The following RASGRF1 variants were observed in gnomAD, a reference collection of about 807,000 sequenced individuals.
The protein encoded by RASGRF1 is ras-specific guanine nucleotide-releasing factor 1.
RASGRF1 carries 40 observed loss-of-function variants against 138.7 expected under a neutral mutation model. The observed-to-expected ratio is 0.29, with a 90% CI of 0.22 to 0.38. The LOEUF (loss-of-function observed/expected upper bound fraction) is 0.38, where lower values mean the gene tolerates loss of function less well. Ranked by LOEUF, RASGRF1 falls within the 10% of genes least tolerant of loss-of-function variation. The pLI is 1.00. For synonymous variants in RASGRF1, 614 were observed against 663.2 expected, an observed-to-expected ratio of 0.93 and a Z score of 1.14; for missense variants, 1,108 against 1,650.4, an observed-to-expected ratio of 0.67 and a Z score of 5.69.
chr15:78,968,399 G>C (rs143141218), intron 26 of RASGRF1, among the ~76,000 whole-genome samples: 2,546 of 152,060 alleles, frequency 0.017, 25 homozygotes, highest in South Asian at 0.042. Flanking sequence ...AGACTCCTGA[G>C]TAGATGTGAC....
rs769459245 is a variant in RASGRF1, at chr15:79,031,408, C to A, written c.1254G>T (p.Glu418Asp). The A allele has an allele frequency of 1.2e-6, 2 of 1,607,240 alleles. No homozygotes were observed. Among genetic ancestry groups the A allele is most frequent in the East Asian group, 2.2e-5 (1 of 44,674 alleles). The change falls in exon 8 of 27, where the codon GAG (glutamate) becomes GAT (aspartate). Residue 418 changes from glutamate to aspartate, a missense_variant. Around this residue, in one of 3 missense-constraint regions of RASGRF1, gnomAD observed 169 missense variants for 344.2 expected, o/e 0.49. Coordinates refer to ENST00000558480, the MANE Select transcript of RASGRF1 (RefSeq NM_001145648.3). ...GAAGAGCCAGGCCTCACCTGGACAG[C>A]TCCTCCAGTTTGGACTTGGCGTAGT... ...SLDYAKSKLE[E>D]LSRIMHDEVS... is the part of the protein sequence containing the mutation.
At chr15:78,979,051 G>T in intron 24 of RASGRF1, 1 of 1,291,852 alleles carries the variant, frequency 7.7e-7, no homozygotes, top group South Asian at 1.2e-5. Context: ...CCAGCCATGT[G>T]AGGAGGTGGA....
At chr15:79,010,033 T>C (rs1273558551) in intron 13 of RASGRF1, among the ~76,000 whole-genome samples, 1 of 130,262 alleles carries the variant, frequency 7.7e-6, no homozygotes, top group Non-Finnish European at 1.7e-5. Context: ...TCTTTGTTTG[T>C]TTTTTTTTTT....
chr15:79,005,000 AG>A, intron 14 of RASGRF1: 1 of 985,566 alleles, frequency 1.0e-6, no homozygotes, highest in Non-Finnish European at 1.2e-6. Flanking sequence ...TTTGTTCTGC[AG>A]GGCACTGCTG....
At chr15:78,996,738 G>C (rs995615183) in intron 19 of RASGRF1, among the ~76,000 whole-genome samples, 1 of 116,482 alleles carries the variant, frequency 8.6e-6, no homozygotes, top group Non-Finnish European at 2.1e-5. Flanking sequence ...GTGTGTGTGC[G>C]TGTGTGTGTG....
At chr15:79,048,729 C>T (rs1236057273) in intron 4 of RASGRF1, among the ~76,000 whole-genome samples, 1 of 152,214 alleles carries the variant, frequency 6.6e-6, no homozygotes, top group Admixed American at 6.5e-5. Flanking sequence ...CTCAAAATCT[C>T]AAACACACTG....
chr15:78,979,614 T>A (rs1421190141), intron 24 of RASGRF1, among the ~76,000 whole-genome samples: 1 of 151,944 alleles, frequency 6.6e-6, no homozygotes, highest in East Asian at 1.9e-4. Flanking sequence ...CTAATGAGAG[T>A]GACAGAAGCA....
At chr15:78,992,580 C>T (rs117513043) in intron 20 of RASGRF1, among the ~76,000 whole-genome samples, 2,095 of 152,284 alleles carry the variant, frequency 0.014, 26 homozygotes, top group Middle Eastern at 0.024. Flanking sequence ...CTGTGTTGGT[C>T]TTGGGAGGAG....
intron 24 of RASGRF1, among the ~76,000 whole-genome samples, chr15:78,975,504 CCTTT>C (rs771431617): frequency 8.2e-5 from 12 of 145,766 alleles, no homozygotes; most frequent in East Asian, 2.0e-4. Flanking sequence ...TCATTTCCTT[CCTTT>C]CTTTTTCTTT....
At chr15:78,968,264 G>C (rs1373710185) in intron 26 of RASGRF1, among the ~76,000 whole-genome samples, 2 of 151,604 alleles carry the variant, frequency 1.3e-5, no homozygotes, top group Non-Finnish European at 2.9e-5. Context: ...GTGTGTGTGT[G>C]TGTGTGTGTG....
intron 20 of RASGRF1, among the ~76,000 whole-genome samples, chr15:78,994,955 T>C (rs1422111210): frequency 8.0e-6 from 1 of 124,290 alleles, no homozygotes; most frequent in Non-Finnish European, 1.7e-5. Flanking sequence ...GAGATGGGGG[T>C]CTCACTCTGT....
chr15:78,962,325 G>C, intron 26 of RASGRF1, 89 bp from the exon 27 acceptor site: 5 of 944,550 alleles, frequency 5.3e-6, no homozygotes, highest in Non-Finnish European at 8.1e-6. Context: ...TAGGGCCCAA[G>C]CCTCTTACTG....
At chr15:78,986,586 A>T (rs1172170878) in intron 22 of RASGRF1, among the ~76,000 whole-genome samples, 1 of 152,100 alleles carries the variant, frequency 6.6e-6, no homozygotes, top group Non-Finnish European at 1.5e-5. Flanking sequence ...ACCTCAAGTG[A>T]TCTGCCGGCC....
rs766396806 is a variant in RASGRF1 at position 78,980,634 on chromosome 15, T to C, written c.3480A>G (p.Arg1160=). 58 of 1,604,216 alleles carry C rather than the reference T, an allele frequency of 3.6e-5. No individual in the cohort carries two copies. Among genetic ancestry groups the C allele is most frequent in the Non-Finnish European group, 4.5e-5 (53 of 1,171,550 alleles). Residue 1160 remains arginine (R), a synonymous_variant, in exon 24 of 27, where the codon AGA becomes AGG. Coordinates refer to ENST00000558480, the MANE Select transcript of RASGRF1 (RefSeq NM_001145648.3). ...VSSEGRFKNL[R]EALKNCDPPC... ...CACACACTTACTTTTTCAGAGCTTC[T>C]CTGAGATTCTTAAATCTGCCCTCAG...
intron 1 of RASGRF1, among the ~76,000 whole-genome samples, chr15:79,066,889 C>T (rs941159605): frequency 6.6e-6 from 1 of 152,134 alleles, no homozygotes; most frequent in African/African-American, 2.4e-5. Context: ...CGCAGGCTAC[C>T]CAGAGGCTTT....
In RASGRF1 at chr15:79,090,743, G is replaced by A. The variant is rs955538063; in HGVS notation, c.-245C>T. On this transcript the variant is annotated 5_prime_UTR_variant, in exon 1 of 27. Coordinates refer to ENST00000558480, the MANE Select transcript of RASGRF1 (RefSeq NM_001145648.3). ...AGAGCCCCAGTACCCGGAAGATGCC[G>A]CCCGACCCTCCTCCGGTGCCGGGCA... 5 of 548,958 alleles carry A rather than the reference G, an allele frequency of 9.1e-6. No homozygotes were observed. The highest frequency in any genetic ancestry group is 7.7e-5 in the African/African-American group (4 of 52,018). 34.0% of individuals were successfully genotyped at this position (548,958 alleles called of 1,614,324 possible).
At chr15:79,058,547 A>C in intron 2 of RASGRF1, 66 bp from the exon 3 acceptor site, 2 of 1,583,988 alleles carry the variant, frequency 1.3e-6, no homozygotes, top group South Asian at 2.3e-5. Context: ...CAAGCAGGGC[A>C]CTGACCGGGA....
chr15:78,990,580 A>AC (rs2056248529), intron 21 of RASGRF1, among the ~76,000 whole-genome samples: 1 of 148,940 alleles, frequency 6.7e-6, no homozygotes, highest in Admixed American at 6.7e-5. Context: ...GGGAAGGCAC[A>AC]CATGGTGGAA....
intron 23 of RASGRF1, chr15:78,981,414 T>C (rs1182378218): frequency 6.6e-6 from 1 of 152,068 alleles, no homozygotes; most frequent in Admixed American, 6.6e-5. Context: ...CCCTCATTGA[T>C]AAAATGGTGA....
Sources: gnomAD v4.1 joint callset for allele counts (sites outside exome capture counted in the v4.1 genomes callset) on GRCh38, gnomAD v4.1.1 for gene constraint, gnomAD v4.1.1 regional missense constraint, MANE v1.5 for transcripts, NCBI Gene and HGNC (gene_info 2026-07-23, HGNC 2026-07-21) for gene names.